Variants in PAK5 observed in about 807,000 individuals in gnomAD.
PAK5 encodes serine/threonine-protein kinase PAK 5.
A neutral mutation model predicts 65.9 loss-of-function variants in PAK5; 16 were observed. That is an observed-to-expected ratio of 0.24 (90% confidence interval 0.16 to 0.37). PAK5 has a LOEUF of 0.37. PAK5 is among the 10% of genes least tolerant of loss of function. PAK5 has a pLI of 1.00. For synonymous variants in PAK5, 371 were observed against 354.9 expected, an observed-to-expected ratio of 1.05 and a Z score of -0.51; for missense variants, 785 against 903.9, an observed-to-expected ratio of 0.87 and a Z score of 1.69.
chr20:9,803,434 A>G (rs2049195679), intron 1 of PAK5, among the ~76,000 whole-genome samples: 1 of 152,198 alleles, frequency 6.6e-6, no homozygotes, highest in Admixed American at 6.5e-5. Flanking sequence ...TTTTCCTGAG[A>G]GAATATAGGG....
At chr20:9,671,250 A>G (rs2047493139) in intron 2 of PAK5, among the ~76,000 whole-genome samples, 1 of 152,164 alleles carries the variant, frequency 6.6e-6, no homozygotes, top group African/African-American at 2.4e-5. Flanking sequence ...TTGACTTAGC[A>G]ATGTGGGCTC....
At chr20:9,555,276 T>C (rs1259220848) in intron 7 of PAK5, among the ~76,000 whole-genome samples, 3 of 152,150 alleles carry the variant, frequency 2.0e-5, no homozygotes, top group African/African-American at 7.2e-5. Flanking sequence ...CTTTACAGGG[T>C]GCACAGGGAT....
intron 3 of PAK5, among the ~76,000 whole-genome samples, chr20:9,588,491 AC>A (rs2046109845): frequency 1.3e-5 from 2 of 152,170 alleles, no homozygotes; most frequent in South Asian, 4.1e-4. Context: ...TTAGTGCCCC[AC>A]CCAAAAAAGT....
At chr20:9,547,759 T>TAGC (rs2045366885) in intron 7 of PAK5, among the ~76,000 whole-genome samples, 2 of 152,116 alleles carry the variant, frequency 1.3e-5, no homozygotes, top group South Asian at 4.1e-4. Flanking sequence ...TCTTCATCAA[T>TAGC]AGCAGCAGCA....
intron 3 of PAK5, among the ~76,000 whole-genome samples, chr20:9,595,549 G>A (rs978192668): frequency 1.2e-4 from 19 of 152,214 alleles, no homozygotes; most frequent in African/African-American, 4.6e-4. Context: ...TTATATCTTA[G>A]ATAAAGCAAA....
intron 1 of PAK5, among the ~76,000 whole-genome samples, chr20:9,734,774 T>C (rs565349779): frequency 1.2e-4 from 19 of 152,290 alleles, no homozygotes; most frequent in Admixed American, 7.8e-4. Context: ...CTAGCAAATA[T>C]TTCCCCTAGC....
chr20:9,538,485 G>GGTCT lies in PAK5; in HGVS notation c.*973_*976dup. On this transcript the variant is annotated 3_prime_UTR_variant, in exon 10 of 10. Transcript: ENST00000353224. The stretch of plus-strand genomic sequence containing the variant: ...CCCTTTGTGAGCCTGGAATTCTCAT[G>GGTCT]GTCTCACTGAAACATTCTATTTTGG... 4.3e-6 allele frequency: 1 copy of GGTCT among 233,438 alleles called. No individual in the cohort carries two copies. 14.5% of individuals were successfully genotyped at this position (233,438 alleles called of 1,614,324 possible). A position where few individuals can be genotyped will look rare whatever the true frequency, so the allele number is the denominator to read the frequency against.
intron 2 of PAK5, among the ~76,000 whole-genome samples, chr20:9,705,278 A>G (rs1253005749): frequency 6.6e-6 from 1 of 152,204 alleles, no homozygotes; most frequent in Non-Finnish European, 1.5e-5. Flanking sequence ...TATGGAAGGC[A>G]TTTCACAGAA....
chr20:9,589,993 AT>A lies in PAK5; in HGVS notation c.205-9064del, dbSNP rs575790709. On this transcript the variant is annotated intron_variant, in intron 3 of 9. Coordinates refer to ENST00000353224, the MANE Select transcript of PAK5 (RefSeq NM_177990.4). ...ATCAAGATGCTTTAATATATTACAA[AT>A]TTTTTTTTTTGAAGACAAGGTCTTG... Among the ~76,000 whole-genome samples, 179 of 149,024 alleles carry A rather than the reference AT, an allele frequency of 1.2e-3. 1 individual carries two copies. The highest frequency in any genetic ancestry group is 5.9e-3 in the East Asian group (30 of 5,094).
At chr20:9,678,381 C>T (rs1214318197) in intron 2 of PAK5, among the ~76,000 whole-genome samples, 2 of 152,174 alleles carry the variant, frequency 1.3e-5, no homozygotes, top group African/African-American at 4.8e-5. Flanking sequence ...TCCTGGCTAA[C>T]ACGGTGAAAC....
At chr20:9,561,573 T>G (rs147774450) in intron 6 of PAK5, among the ~76,000 whole-genome samples, 44 of 152,260 alleles carry the variant, frequency 2.9e-4, no homozygotes, top group African/African-American at 9.4e-4. Context: ...GATAGCCTAC[T>G]CCAGACCGAG....
chr20:9,580,123 G>C (rs753685754), intron 4 of PAK5, 22 bp downstream of exon 4: 45 of 1,587,288 alleles, frequency 2.8e-5, no homozygotes, highest in Non-Finnish European at 8.6e-7. Flanking sequence ...ACACGTGAGG[G>C]AAAGGAGGTA....
chr20:9,747,743 A>G (rs2048525612), intron 1 of PAK5, among the ~76,000 whole-genome samples: 1 of 151,852 alleles, frequency 6.6e-6, no homozygotes, highest in Non-Finnish European at 1.5e-5. Flanking sequence ...TGAATGGGCA[A>G]AAACTGGAAG....
At chr20:9,747,688 A>G (rs2048524945) in intron 1 of PAK5, among the ~76,000 whole-genome samples, 1 of 152,072 alleles carries the variant, frequency 6.6e-6, no homozygotes, top group African/African-American at 2.4e-5. Context: ...ACGTATTTCA[A>G]AATAATAAGA....
intron 2 of PAK5, among the ~76,000 whole-genome samples, chr20:9,707,429 T>A (rs1451461706): frequency 6.6e-6 from 1 of 152,170 alleles, no homozygotes; most frequent in African/African-American, 2.4e-5. Context: ...TCTCTTCCAA[T>A]CTTATTTGGC....
At chr20:9,783,013 T>G (rs956741955) in intron 1 of PAK5, among the ~76,000 whole-genome samples, 2 of 150,344 alleles carry the variant, frequency 1.3e-5, no homozygotes, top group East Asian at 4.0e-4. Flanking sequence ...CACCACAACC[T>G]CCATCTCCTA....
At chr20:9,706,810 C>T (rs992504045) in intron 2 of PAK5, among the ~76,000 whole-genome samples, 2 of 151,890 alleles carry the variant, frequency 1.3e-5, no homozygotes, top group African/African-American at 4.8e-5. Context: ...GCCCAACCTA[C>T]AAATTTTTTT....
chr20:9,626,346 C>T (rs1332327406), intron 3 of PAK5, among the ~76,000 whole-genome samples: 3 of 152,110 alleles, frequency 2.0e-5, no homozygotes, highest in African/African-American at 7.2e-5. Flanking sequence ...CCAAGGTACC[C>T]CAGGGAACTA....
chr20:9,672,542 G>T (rs113226797), intron 2 of PAK5, among the ~76,000 whole-genome samples: 1 of 151,686 alleles, frequency 6.6e-6, no homozygotes, highest in South Asian at 2.1e-4. Flanking sequence ...CCCTGTACAC[G>T]CTCTCCTGCC....
Sources: gnomAD v4.1 joint callset for allele counts (sites outside exome capture counted in the v4.1 genomes callset) on GRCh38, gnomAD v4.1.1 for gene constraint, MANE v1.5 for transcripts, NCBI Gene and HGNC (gene_info 2026-07-23, HGNC 2026-07-21) for gene names.